The following ME3 variants were observed in gnomAD, a reference collection of about 807,000 sequenced individuals.
ME3 encodes the protein NADP-dependent malic enzyme, mitochondrial.
In ME3, 48 loss-of-function variants were observed where a neutral mutation model predicts 68.9. The ratio of observed to expected loss-of-function variants is 0.70; its 90% confidence interval spans 0.55 to 0.89. ME3 has a LOEUF of 0.89. Among genes scored for constraint, ME3 ranks in the 40% least tolerant of loss-of-function variants. The probability of loss-of-function intolerance (pLI) is 0.00; values close to 1 mark genes in which losing one functional copy is unlikely to be tolerated. For synonymous variants in ME3, 320 were observed against 318.8 expected (o/e 1.00, Z -0.04); for missense variants, 675 against 797.4 (o/e 0.85, Z 1.85).
intron 2 of ME3, among the ~76,000 whole-genome samples, chr11:86,560,718 G>GTA (rs1418701216): frequency 2.9e-4 from 21 of 73,020 alleles, no homozygotes; most frequent in African/African-American, 7.7e-4. Context: ...GTGTGTGTGT[G>GTA]TGTGTGTATG....
chr11:86,443,742 A>G (rs1358068547), intron 13 of ME3, among the ~76,000 whole-genome samples: 1 of 152,226 alleles, frequency 6.6e-6, no homozygotes, highest in Admixed American at 6.5e-5. Context: ...ATATTAGGGA[A>G]GTGGGCCTCC....
intron 7 of ME3, among the ~76,000 whole-genome samples, chr11:86,473,125 AC>A (rs1312869243): frequency 1.3e-5 from 2 of 152,330 alleles, no homozygotes; most frequent in East Asian, 3.9e-4. Flanking sequence ...ACCCTGGGAC[AC>A]CCTGCATCCA....
chr11:86,614,124 T>C (rs1229569551), intron 2 of ME3, among the ~76,000 whole-genome samples: 1 of 152,096 alleles, frequency 6.6e-6, no homozygotes, highest in Non-Finnish European at 1.5e-5. Context: ...AAAACAGACA[T>C]TTGCTCAGCA....
At chr11:86,489,930 C>A (rs1013923088) in intron 6 of ME3, among the ~76,000 whole-genome samples, 1 of 152,082 alleles carries the variant, frequency 6.6e-6, no homozygotes, top group Non-Finnish European at 1.5e-5. Context: ...GGCAACAAGA[C>A]ACAGAGAGGT....
chr11:86,449,292 G>A (rs1949498460), intron 10 of ME3, among the ~76,000 whole-genome samples: 1 of 152,222 alleles, frequency 6.6e-6, no homozygotes, highest in Non-Finnish European at 1.5e-5. Flanking sequence ...AAGCTGGACT[G>A]TTTCTCTCTC....
In ME3 at chr11:86,635,783, C is replaced by T. The variant is rs77933983; in HGVS notation, c.183+35979G>A. 1.4e-3 allele frequency among the ~76,000 whole-genome samples: 218 copies of T among 152,328 alleles called. 3 individuals are homozygous for T. The East Asian group carries it at 0.037, about 26-fold the overall frequency. On this transcript the variant is annotated intron_variant, in intron 2 of 14. Transcript: ENST00000543262. The stretch of plus-strand genomic sequence containing the variant: ...CCTGGTCTGTGATATTCTGTTACAG[C>T]AGCAACAAATGGACTAACACAGCCT...
At chr11:86,556,516 C>A in intron 4 of ME3, 37 bp downstream of exon 4, 1 of 1,597,636 alleles carries the variant, frequency 6.3e-7, no homozygotes. Flanking sequence ...CTCTATGAGG[C>A]AGCCCCTCCC....
chr11:86,596,899 A>G (rs1011810198), intron 2 of ME3, among the ~76,000 whole-genome samples: 1 of 151,992 alleles, frequency 6.6e-6, no homozygotes, highest in African/African-American at 2.4e-5. Context: ...TGATGATGGG[A>G]TGGGCCAAAC....
intron 2 of ME3, among the ~76,000 whole-genome samples, chr11:86,593,273 C>T (rs1479119873): frequency 1.7e-5 from 2 of 119,288 alleles, no homozygotes; most frequent in African/African-American, 3.2e-5. Flanking sequence ...TAGGCTCCCC[C>T]TCCAGGAAGT....
intron 2 of ME3, among the ~76,000 whole-genome samples, chr11:86,577,856 A>C (rs1217563660): frequency 6.6e-6 from 1 of 152,174 alleles, no homozygotes; most frequent in African/African-American, 2.4e-5. Context: ...CCCCATTTAT[A>C]GGAGGAAATA....
rs568394918 is a variant in ME3, at chr11:86,536,454, C to T, written c.467+20099G>A. ...AAATTTACAAGAAAAAAACAAACAA[C>T]CCCATCAAAAAGTGGGCGAAGGACA... is the stretch of plus-strand genomic sequence containing the variant. On this transcript the variant is annotated intron_variant, in intron 4 of 14. Coordinates refer to ENST00000543262, the Ensembl canonical transcript of ME3. Among the ~76,000 whole-genome samples the T allele has an allele frequency of 2.9e-3, 366 of 126,078 alleles. 3 individuals carry two copies. The highest frequency in any genetic ancestry group is 0.011 in the African/African-American group (354 of 32,034). The allele number at this position is 126,078 out of a possible 152,430, so 82.7% of individuals were successfully genotyped here.
intron 12 of ME3, 79 bp downstream of exon 12, chr11:86,446,986 T>G (rs1275827363): frequency 2.6e-6 from 4 of 1,521,734 alleles, no homozygotes; most frequent in Non-Finnish European, 3.5e-6. Context: ...TGTAGGAGTA[T>G]TTTTCACCCT....
At chr11:86,603,288 G>A (rs1961032429) in intron 2 of ME3, among the ~76,000 whole-genome samples, 1 of 152,018 alleles carries the variant, frequency 6.6e-6, no homozygotes, top group Non-Finnish European at 1.5e-5. Context: ...AGTGGGCAAA[G>A]GATATGAACA....
At chr11:86,650,512 T>G in intron 2 of ME3, among the ~76,000 whole-genome samples, 1 of 151,922 alleles carries the variant, frequency 6.6e-6, no homozygotes, top group East Asian at 1.9e-4. Flanking sequence ...AGCATCAGAG[T>G]GAGCAGGCAA....
chr11:86,601,180 G>A (rs1389838350), intron 2 of ME3, among the ~76,000 whole-genome samples: 43 of 151,212 alleles, frequency 2.8e-4, no homozygotes, highest in Middle Eastern at 6.8e-3. Flanking sequence ...TTTTTGAAAG[G>A]ATCAACAAAA....
intron 6 of ME3, 66 bp from the exon 7 acceptor site, chr11:86,487,506 A>C: frequency 7.8e-7 from 1 of 1,283,756 alleles, no homozygotes; most frequent in Non-Finnish European, 1.1e-6. Flanking sequence ...TTTTCCAACA[A>C]GTATCCAGGA....
At position 86,641,038 on chromosome 11, in the gene ME3, G is replaced by C. The variant is rs989227608; in HGVS notation, c.183+30724C>G. 6.3e-4 allele frequency among the ~76,000 whole-genome samples: 15 copies of C among 23,898 alleles called. 1 individual carries two copies. The highest frequency in any genetic ancestry group is 1.3e-3 in the African/African-American group (13 of 10,100). 15.7% of individuals were successfully genotyped at this position (23,898 alleles called of 152,430 possible). On this transcript the variant is annotated intron_variant, in intron 2 of 14. Transcript: ENST00000543262. ...ATATAACCTGCTCTCAATTTCACTG[G>C]GGGGGGGGGTCAATGAAGGGCATAT...
intron 7 of ME3, among the ~76,000 whole-genome samples, chr11:86,469,189 TC>T (rs1950649490): frequency 6.6e-6 from 1 of 152,214 alleles, no homozygotes; most frequent in African/African-American, 2.4e-5. Context: ...GAGTCCCCTT[TC>T]TCTGTCTGGG....
intron 2 of ME3, among the ~76,000 whole-genome samples, chr11:86,590,902 C>T (rs144527514): frequency 1.3e-3 from 205 of 152,256 alleles, no homozygotes; most frequent in African/African-American, 4.5e-3. Flanking sequence ...CCATAGTTCA[C>T]GTGAAGGAAG....
Sources: gnomAD v4.1 joint callset for allele counts (sites outside exome capture counted in the v4.1 genomes callset) on GRCh38, gnomAD v4.1.1 for gene constraint, MANE v1.5 for transcripts, NCBI Gene and HGNC (gene_info 2026-07-23, HGNC 2026-07-21) for gene names.